Variants in KLF12 observed in about 807,000 individuals in gnomAD.
KLF12 encodes KLF transcription factor 12, also known as Krueppel-like factor 12.
KLF12 carries 9 observed loss-of-function variants against 37.8 expected under a neutral mutation model. The observed-to-expected ratio is 0.24, with a 90% CI of 0.14 to 0.42. The LOEUF is 0.42. Ranked by LOEUF, KLF12 falls within the 10% of genes least tolerant of loss-of-function variation. KLF12 has a pLI of 1.00. For missense variants in KLF12, 411 were observed against 516.0 expected (o/e 0.80, Z 1.97); for synonymous variants, 208 against 202.1 (o/e 1.03, Z -0.25).
At chr13:73,829,133 TG>T (rs1320069767) in intron 4 of KLF12, among the ~76,000 whole-genome samples, 1 of 152,214 alleles carries the variant, frequency 6.6e-6, no homozygotes, top group Non-Finnish European at 1.5e-5. Context: ...CATTTGACTG[TG>T]AGTGTATTGT....
At chr13:74,278,494 G>A in the KLF12 span, among the ~76,000 whole-genome samples, 1 of 152,130 alleles carries the variant, frequency 6.6e-6, no homozygotes, top group Non-Finnish European at 1.5e-5. Flanking sequence ...GTCAGCCTAG[G>A]TTTTGCATTT....
chr13:73,843,074 T>C (rs777442843), intron 4 of KLF12, among the ~76,000 whole-genome samples: 2 of 152,176 alleles, frequency 1.3e-5, no homozygotes, highest in African/African-American at 2.4e-5. Context: ...CATACTAAAC[T>C]CTCATCCCTT....
At chr13:73,901,815 C>A (rs564102433) in intron 3 of KLF12, among the ~76,000 whole-genome samples, 41 of 152,258 alleles carry the variant, frequency 2.7e-4, no homozygotes, top group Admixed American at 6.5e-4. Context: ...CTCATTATAT[C>A]AACCCAAACA....
upstream of KLF12, among the ~76,000 whole-genome samples, chr13:74,135,118 C>T (rs1247392946): frequency 1.3e-5 from 2 of 151,666 alleles, no homozygotes; most frequent in African/African-American, 4.8e-5. Flanking sequence ...GGTTCCGGAG[C>T]GACGCACGTT....
intron 2 of KLF12, among the ~76,000 whole-genome samples, chr13:73,985,093 G>A (rs12583709): frequency 6.6e-5 from 10 of 152,300 alleles, no homozygotes; most frequent in South Asian, 2.1e-4. Flanking sequence ...ACATGAAGGC[G>A]TTGCAGCCAA....
chr13:73,948,588 TC>T (rs1890530142), intron 2 of KLF12, among the ~76,000 whole-genome samples: 1 of 152,188 alleles, frequency 6.6e-6, no homozygotes, highest in African/African-American at 2.4e-5. Context: ...GGGTACCTCT[TC>T]CTATAGAAAA....
At chr13:74,229,793 T>A in the KLF12 span, among the ~76,000 whole-genome samples, 1,787 of 152,290 alleles carry the variant, frequency 0.012, 44 homozygotes, top group African/African-American at 0.041. Context: ...CAGCTGACCC[T>A]AAGTCAGTTC....
chr13:73,751,514 G>A (rs1878754700), intron 6 of KLF12, among the ~76,000 whole-genome samples: 2 of 152,180 alleles, frequency 1.3e-5, no homozygotes. Flanking sequence ...CATGTGGGGT[G>A]AGGAAGAGCC....
chr13:74,182,054 T>C, the KLF12 span, among the ~76,000 whole-genome samples: 1 of 152,190 alleles, frequency 6.6e-6, no homozygotes, highest in Non-Finnish European at 1.5e-5. Flanking sequence ...TTGGAGTTTG[T>C]TTTAAAATAG....
At chr13:74,098,212 G>A in intron 1 of KLF12, among the ~76,000 whole-genome samples, 1 of 152,146 alleles carries the variant, frequency 6.6e-6, no homozygotes, top group South Asian at 2.1e-4. Flanking sequence ...TGAACTCACT[G>A]CTTAGAATCT....
the KLF12 span, among the ~76,000 whole-genome samples, chr13:74,260,522 C>A: frequency 6.7e-6 from 1 of 148,806 alleles, no homozygotes; most frequent in Non-Finnish European, 1.5e-5. Context: ...CCACTGCACT[C>A]CAGCCTGGGT....
rs1015665726 is a variant in KLF12 at position 73,720,396 on chromosome 13, C to T, written c.870-4871G>A. 3.9e-5 allele frequency among the ~76,000 whole-genome samples: 6 copies of T among 152,246 alleles called. No individual in the cohort carries two copies. The East Asian group carries it at 9.7e-4, about 25-fold the overall frequency. On this transcript the variant is annotated intron_variant, in intron 6 of 7. Coordinates refer to ENST00000377669, the MANE Select transcript of KLF12 (RefSeq NM_007249.5). ...GGAATGTGCAAGTAACTACTGCATA[C>T]ACCAGTAGAGCATTCTTTGCATAAT...
chr13:73,845,781 T>G (rs762377281), intron 4 of KLF12, 46 bp downstream of exon 4: 1 of 1,542,480 alleles, frequency 6.5e-7, no homozygotes, highest in Non-Finnish European at 8.8e-7. Flanking sequence ...AAAAATGAAG[T>G]CACCTCTAGT....
chr13:74,262,761 G>A, the KLF12 span, among the ~76,000 whole-genome samples: 4 of 152,082 alleles, frequency 2.6e-5, no homozygotes, highest in South Asian at 2.1e-4. Context: ...GCATGATCCC[G>A]ACTCAGTTAG....
At chr13:73,734,264 C>G (rs1267933419) in intron 6 of KLF12, among the ~76,000 whole-genome samples, 1 of 152,084 alleles carries the variant, frequency 6.6e-6, no homozygotes, top group Non-Finnish European at 1.5e-5. Context: ...CTCCTGACCC[C>G]TGCACCACAG....
chr13:73,765,134 TAG>T (rs1879827126), intron 5 of KLF12, 134 bp from the exon 6 acceptor site: 2 of 581,010 alleles, frequency 3.4e-6, no homozygotes, highest in African/African-American at 3.8e-5. Flanking sequence ...GAACCCCTCT[TAG>T]TAAATGATGC....
chr13:73,775,149 C>T (rs1880531032), intron 5 of KLF12, among the ~76,000 whole-genome samples: 1 of 152,112 alleles, frequency 6.6e-6, no homozygotes, highest in African/African-American at 2.4e-5. Context: ...AACTCCTGAC[C>T]TCAGGTGATC....
At chr13:74,165,245 C>T in the KLF12 span, among the ~76,000 whole-genome samples, 1 of 151,558 alleles carries the variant, frequency 6.6e-6, no homozygotes, top group Non-Finnish European at 1.5e-5. Flanking sequence ...AGGAACCTGA[C>T]TCTTTTCATC....
the KLF12 span, among the ~76,000 whole-genome samples, chr13:74,289,608 A>G: frequency 7.2e-5 from 11 of 152,214 alleles, no homozygotes; most frequent in Admixed American, 7.2e-4. Flanking sequence ...ATTTTGAGGT[A>G]GAAAGTAATA....
Sources: gnomAD v4.1 joint callset for allele counts (sites outside exome capture counted in the v4.1 genomes callset) on GRCh38, gnomAD v4.1.1 for gene constraint, MANE v1.5 for transcripts, NCBI Gene and HGNC (gene_info 2026-07-23, HGNC 2026-07-21) for gene names.